TCF3: variants seen among roughly 807,000 people sequenced by gnomAD.
TCF3 encodes the protein transcription factor E2-alpha.
Under a neutral mutation model 72.3 loss-of-function variants are expected in TCF3, and 54 were observed. That is an observed-to-expected ratio of 0.75 (90% CI 0.60 to 0.94). The LOEUF (loss-of-function observed/expected upper bound fraction) is 0.94, where lower values mean the gene tolerates loss of function less well. Ranked by LOEUF, TCF3 falls within the 40% of genes least tolerant of loss-of-function variation. The probability of loss-of-function intolerance (pLI) is 0.00; values close to 1 mark genes in which losing one functional copy is unlikely to be tolerated. For synonymous variants in TCF3, 525 were observed against 412.6 expected (o/e 1.27, Z -3.30); for missense variants, 1,078 against 934.4 (o/e 1.15, Z -2.00).
At chr19:1,616,048 C>T (rs2061518087) in intron 16 of TCF3, among the ~76,000 whole-genome samples, 1 of 152,206 alleles carries the variant, frequency 6.6e-6, no homozygotes, top group African/African-American at 2.4e-5. Flanking sequence ...ACAGTTTTAC[C>T]ACCTTTGGAA....
chr19:1,617,551 A>G (rs1269003265), intron 16 of TCF3, among the ~76,000 whole-genome samples: 2 of 152,216 alleles, frequency 1.3e-5, no homozygotes, highest in Non-Finnish European at 2.9e-5. Flanking sequence ...CAGGGCTCAC[A>G]TGGAGCAAAC....
intron 3 of TCF3, among the ~76,000 whole-genome samples, chr19:1,642,345 C>T (rs1290177645): frequency 6.6e-6 from 1 of 152,150 alleles, no homozygotes; most frequent in African/African-American, 2.4e-5. Flanking sequence ...CGTGTAAAGC[C>T]GGTGGAATCT....
At chr19:1,630,829 G>A (rs2063621317) in intron 5 of TCF3, among the ~76,000 whole-genome samples, 2 of 151,956 alleles carry the variant, frequency 1.3e-5, no homozygotes, top group South Asian at 4.1e-4. Flanking sequence ...CCCTACCTGA[G>A]CCCCCGAACC....
Position 1,629,367 on chromosome 19 carries a change from G to C in TCF3, c.299-1941C>G, listed in dbSNP as rs564019054. Among the ~76,000 whole-genome samples, 19 of 152,068 alleles carry C rather than the reference G, an allele frequency of 1.2e-4. No homozygotes were observed. In the East Asian group the frequency reaches 3.3e-3, roughly 26 times the overall value. On this transcript the variant is annotated intron_variant, in intron 5 of 18. Transcript: ENST00000262965. ...CCCAGCATTCAGCCTTCAGGCCAGGGTTCATTCGCGAATGAGCACGTGACC... is the reference window on the plus strand; with the variant it reads ...CCCAGCATTCAGCCTTCAGGCCAGGCTTCATTCGCGAATGAGCACGTGACC...
At chr19:1,649,184 G>T (rs754357750) in intron 2 of TCF3, among the ~76,000 whole-genome samples, 2 of 152,212 alleles carry the variant, frequency 1.3e-5, no homozygotes, top group Non-Finnish European at 2.9e-5. Context: ...AGTCACAATG[G>T]TGGCGCTGCT....
intron 6 of TCF3, among the ~76,000 whole-genome samples, chr19:1,625,914 G>A (rs561551968): frequency 6.6e-6 from 1 of 152,298 alleles, no homozygotes; most frequent in Non-Finnish European, 1.5e-5. Flanking sequence ...CTGTTTTCAC[G>A]AAGAACGAAA....
rs1447198925 is a variant in TCF3, at chr19:1,615,105, G to A, written c.1822+180C>T. 6.6e-6 allele frequency among the ~76,000 whole-genome samples: 1 copy of A among 152,164 alleles called. No homozygotes were observed. The highest frequency in any genetic ancestry group is 1.9e-4 in the East Asian group (1 of 5,198). ...AGGCAGGCAGGGAGAAGGGCTGGCA[G>A]TCAGGAGTGGACAGTCATGGCAATG... On this transcript the variant is annotated intron_variant, in intron 18 of 18. Transcript: ENST00000262965. The surrounding 1 kb of genome is among the most constrained non-coding windows in gnomAD (Gnocchi z 7.3).
chr19:1,625,845 T>C (rs1240320708), intron 6 of TCF3, 137 bp from the exon 7 acceptor site: 11 of 1,104,904 alleles, frequency 1.0e-5, no homozygotes, highest in Middle Eastern at 2.5e-4. Context: ...CCTGTCACGG[T>C]GTTTCTCTGT....
At chr19:1,648,208 G>A (rs192268727) in intron 2 of TCF3, among the ~76,000 whole-genome samples, 1 of 152,354 alleles carries the variant, frequency 6.6e-6, no homozygotes, top group Admixed American at 6.5e-5. Flanking sequence ...GTCCAGGGAA[G>A]TAAGTGCTTC....
chr19:1,618,545 C>T (rs113774520), intron 16 of TCF3, among the ~76,000 whole-genome samples: 1,714 of 151,368 alleles, frequency 0.011, 45 homozygotes, highest in African/African-American at 0.04. Flanking sequence ...CACTCTGCTC[C>T]AACCCCACGG....
intron 1 of TCF3, 142 bp from the exon 2 acceptor site, chr19:1,650,429 G>GGCACGGGGAGCCCTGGGA: frequency 3.3e-6 from 2 of 614,358 alleles, no homozygotes; most frequent in South Asian, 4.1e-5. Flanking sequence ...GAGCCCTGGG[G>GGCACGGGGAGCCCTGGGA]GCACGGGGAG....
intron 7 of TCF3, among the ~76,000 whole-genome samples, chr19:1,625,302 A>G (rs555092708): frequency 1.3e-5 from 2 of 152,214 alleles, no homozygotes; most frequent in African/African-American, 2.4e-5. Context: ...CTGACACAGA[A>G]AGCACATGGC....
rs549690735 is a variant in TCF3 at position 1,625,438 on chromosome 19, G to A, written c.499+138C>T. 4.2e-4 allele frequency: 496 copies of A among 1,168,750 alleles called. 2 individuals carry two copies. In the African/African-American group the frequency reaches 6.9e-3, roughly 16 times the overall value. The allele number at this position is 1,168,750 out of a possible 1,614,324, so 72.4% of individuals were successfully genotyped here. ...TCACCGTCCATCCCTCCCACGGCCC[G>A]AGCGCCCGACGTCCAGCCAGGACCT... On this transcript the variant is annotated intron_variant, in intron 7 of 18. Coordinates refer to ENST00000262965, the MANE Select transcript of TCF3 (RefSeq NM_003200.5).
chr19:1,631,172 G>T (rs1000928422), intron 5 of TCF3, among the ~76,000 whole-genome samples: 1 of 152,180 alleles, frequency 6.6e-6, no homozygotes, highest in Non-Finnish European at 1.5e-5. Flanking sequence ...GTTCTGGGAG[G>T]GTCCCTTTCC....
intron 3 of TCF3, among the ~76,000 whole-genome samples, chr19:1,644,027 G>C (rs1485352770): frequency 6.6e-6 from 1 of 152,228 alleles, no homozygotes; most frequent in Non-Finnish European, 1.5e-5. Flanking sequence ...CCAGGAAGAA[G>C]CCGAGGTTTG....
chr19:1,625,585 C>T lies in TCF3; in HGVS notation c.490G>A (p.Gly164Ser), dbSNP rs369182124. Residue 164 changes from glycine to serine, a missense_variant, in exon 7 of 19, where the codon GGC (glycine) becomes AGC (serine). Gly to Ser is a moderately conservative substitution (Grantham distance 56, BLOSUM62 0). Coordinates refer to ENST00000262965, the MANE Select transcript of TCF3 (RefSeq NM_003200.5). ...GCCAGACCCCGCTCACCTAGGCTGC[C>T]GTCTGCCGCTCTCCGCCGGGAGCTG... ...SGSSRRRAAD[G>S]SLDTQPKKVR... is the part of the protein sequence containing the mutation. The T allele has an allele frequency of 7.6e-6, 12 of 1,584,602 alleles. No homozygotes were observed. The highest frequency in any genetic ancestry group is 2.1e-4 in the Middle Eastern group (1 of 4,872).
At chr19:1,634,447 C>G (rs759066225) in intron 3 of TCF3, among the ~76,000 whole-genome samples, 1 of 152,190 alleles carries the variant, frequency 6.6e-6, no homozygotes, top group African/African-American at 2.4e-5. Flanking sequence ...GGCGCAGGGG[C>G]GCTGGGGAGA....
chr19:1,631,819 G>A (rs1234240557), intron 5 of TCF3: 3 of 1,253,110 alleles, frequency 2.4e-6, no homozygotes, highest in Non-Finnish European at 3.3e-6. Context: ...CTACGCTCAG[G>A]CGGGGAAGCC....
intron 18 of TCF3, among the ~76,000 whole-genome samples, chr19:1,613,572 G>C (rs905035479): frequency 6.6e-6 from 1 of 152,140 alleles, no homozygotes; most frequent in Non-Finnish European, 1.5e-5. Context: ...GCTAGGCCTG[G>C]CCAGACTCAC....
Sources: gnomAD v4.1 joint callset for allele counts (sites outside exome capture counted in the v4.1 genomes callset) on GRCh38, gnomAD v4.1.1 for gene constraint, Gnocchi (gnomAD v3.1) non-coding constraint, MANE v1.5 for transcripts, NCBI Gene and HGNC (gene_info 2026-07-23, HGNC 2026-07-21) for gene names.